The following OR2Z1 variants were observed in gnomAD, a reference collection of about 807,000 sequenced individuals.
OR2Z1 encodes the protein olfactory receptor 2Z1.
For missense variants in OR2Z1, 449 were observed against 401.8 expected, an observed-to-expected ratio of 1.12 and a Z score of -1.00; for synonymous variants, 188 against 160.6, an observed-to-expected ratio of 1.17 and a Z score of -1.29.
At chr19:8,730,163 T>C (rs2043345749) in intron 2 of OR2Z1, among the ~76,000 whole-genome samples, 1 of 152,240 alleles carries the variant, frequency 6.6e-6, no homozygotes, top group Non-Finnish European at 1.5e-5. Context: ...GGTAGAATGA[T>C]TTATTTTCCT....
At chr19:8,724,232 C>CT (rs2043318722) in intron 2 of OR2Z1, among the ~76,000 whole-genome samples, 15 of 76,318 alleles carry the variant, frequency 2.0e-4, no homozygotes, top group Non-Finnish European at 4.0e-5. Flanking sequence ...TACCTATGGT[C>CT]ATTTTTTTTT....
chr19:8,732,060 T>G lies in OR2Z1; in HGVS notation c.*87T>G. ...TGCATTTGGCATTCAATTGCCAATT[T>G]GTGCAACTGGCCAAATATCCAGCCA... On this transcript the variant is annotated 3_prime_UTR_variant, in exon 3 of 3. Coordinates refer to ENST00000641125, the MANE Select transcript of OR2Z1 (RefSeq NM_001004699.3). 1 of 1,039,918 alleles carries G rather than the reference T, an allele frequency of 9.6e-7. No homozygotes were observed. The highest frequency in any genetic ancestry group is 1.4e-6 in the Non-Finnish European group (1 of 703,620). The allele number at this position is 1,039,918 out of a possible 1,614,324, so 64.4% of individuals were successfully genotyped here.
intron 2 of OR2Z1, among the ~76,000 whole-genome samples, chr19:8,726,028 CGGT>C (rs781914273): frequency 3.0e-4 from 45 of 151,942 alleles, no homozygotes; most frequent in Admixed American, 5.9e-4. Flanking sequence ...TGCAGTGGCA[CGGT>C]CTCGGCTCAC....
intron 2 of OR2Z1, among the ~76,000 whole-genome samples, chr19:8,724,756 G>A (rs1486219353): frequency 6.6e-6 from 1 of 152,096 alleles, no homozygotes; most frequent in African/African-American, 2.4e-5. Context: ...TGAGAATGGG[G>A]TACAAAAAGT....
chr19:8,730,149 A>G (rs28442285), intron 2 of OR2Z1, among the ~76,000 whole-genome samples: 1,767 of 152,330 alleles, frequency 0.012, 29 homozygotes, highest in African/African-American at 0.041. Context: ...AAACATGCTC[A>G]TTTGGTAGAA....
chr19:8,725,562 A>G (rs1482162894), intron 2 of OR2Z1, among the ~76,000 whole-genome samples: 1 of 152,074 alleles, frequency 6.6e-6, no homozygotes, highest in Non-Finnish European at 1.5e-5. Context: ...TACATCTTTG[A>G]TTGACTCTGG....
In OR2Z1 at chr19:8,724,454, C is replaced by A. The variant is rs570223066; in HGVS notation, c.-170+1304C>A. 9.9e-5 allele frequency among the ~76,000 whole-genome samples: 15 copies of A among 152,090 alleles called. No homozygotes were observed. The South Asian group carries it at 2.5e-3, about 25-fold the overall frequency. On this transcript the variant is annotated intron_variant, in intron 2 of 2. Transcript: ENST00000641125. Reference sequence around the variant, plus strand: ...TCTTGCCATGTTGCTCAGGCTAGTCCCAAACTCCTGGGCTGGTCCCAGCCT... The same window carrying A: ...TCTTGCCATGTTGCTCAGGCTAGTCACAAACTCCTGGGCTGGTCCCAGCCT...
intron 2 of OR2Z1, among the ~76,000 whole-genome samples, chr19:8,724,833 C>T (rs782386393): frequency 6.6e-6 from 1 of 152,118 alleles, no homozygotes; most frequent in Non-Finnish European, 1.5e-5. Context: ...CTCCTTGCTT[C>T]CAAAACACAG....
At chr19:8,724,712 T>A (rs1418285670) in intron 2 of OR2Z1, among the ~76,000 whole-genome samples, 2 of 152,178 alleles carry the variant, frequency 1.3e-5, no homozygotes, top group African/African-American at 4.8e-5. Flanking sequence ...CTCGACCACC[T>A]TCAATTATCC....
chr19:8,726,221 T>A (rs1167870144), intron 2 of OR2Z1, among the ~76,000 whole-genome samples: 1 of 152,116 alleles, frequency 6.6e-6, no homozygotes. Flanking sequence ...CGCCTTGGCC[T>A]CCCAAAGTGC....
At chr19:8,725,792 G>A (rs918950958) in intron 2 of OR2Z1, among the ~76,000 whole-genome samples, 37 of 152,144 alleles carry the variant, frequency 2.4e-4, no homozygotes, top group Non-Finnish European at 8.8e-5. Flanking sequence ...TGAGATGATT[G>A]GGTAATTTAT....
intron 2 of OR2Z1, among the ~76,000 whole-genome samples, chr19:8,730,112 C>A (rs1402099515): frequency 6.6e-6 from 1 of 152,168 alleles, no homozygotes; most frequent in Non-Finnish European, 1.5e-5. Flanking sequence ...GATTCAATTT[C>A]TTTGTTATTG....
intron 2 of OR2Z1, among the ~76,000 whole-genome samples, chr19:8,724,829 G>C (rs1599207378): frequency 6.6e-6 from 1 of 152,114 alleles, no homozygotes; most frequent in East Asian, 1.9e-4. Context: ...AGCTCTCCTT[G>C]CTTCCAAAAC....
intron 2 of OR2Z1, among the ~76,000 whole-genome samples, chr19:8,728,238 T>C (rs1300756603): frequency 6.6e-6 from 1 of 152,226 alleles, no homozygotes; most frequent in Non-Finnish European, 1.5e-5. Context: ...TCTGGGAGCT[T>C]GGAGGTTGCC....
chr19:8,729,619 T>A lies in OR2Z1; in HGVS notation c.-169-1241T>A, dbSNP rs139669712. On this transcript the variant is annotated intron_variant, in intron 2 of 2. Coordinates refer to ENST00000641125, the MANE Select transcript of OR2Z1 (RefSeq NM_001004699.3). Reference sequence around the variant, plus strand: ...TGGTTTTTTTTTTTTTGACGGAGTTTTGCTCTTGTTGCCCAGGCCAGAGTG... The same window carrying A: ...TGGTTTTTTTTTTTTTGACGGAGTTATGCTCTTGTTGCCCAGGCCAGAGTG... Among the ~76,000 whole-genome samples the A allele has an allele frequency of 5.7e-3, 869 of 151,846 alleles. 25 individuals are homozygous for A. The highest frequency in any genetic ancestry group is 3.3e-3 in the East Asian group (17 of 5,164).
intron 2 of OR2Z1, among the ~76,000 whole-genome samples, chr19:8,726,082 C>T (rs1391482207): frequency 1.3e-5 from 2 of 152,152 alleles, no homozygotes; most frequent in Admixed American, 6.5e-5. Flanking sequence ...TCTCCTGCCT[C>T]AGCCTCCCGA....
In OR2Z1 at chr19:8,731,818, G is replaced by A. The variant is rs373819151; in HGVS notation, c.790G>A (p.Ala264Thr). The A allele has an allele frequency of 1.9e-4, 310 of 1,614,042 alleles. No homozygotes were observed. The highest frequency in any genetic ancestry group is 2.4e-4 in the Non-Finnish European group (287 of 1,180,038). Residue 264 changes from alanine to threonine, a missense_variant, in exon 3 of 3, where the codon GCC becomes ACC. Ala to Thr is a moderately conservative substitution (Grantham distance 58, BLOSUM62 0). Coordinates refer to ENST00000641125, the MANE Select transcript of OR2Z1 (RefSeq NM_001004699.3). ...CGTGTTCATGTACATGGTGCCTTGC[G>A]CCTACCACAGTCCACAGCAGGATAA... The part of the protein sequence containing the change: ...AAVFMYMVPC[A>T]YHSPQQDNVV...
intron 2 of OR2Z1, among the ~76,000 whole-genome samples, chr19:8,725,392 G>T (rs1252141242): frequency 6.6e-6 from 1 of 152,058 alleles, no homozygotes; most frequent in Admixed American, 6.6e-5. Flanking sequence ...ACAGGTGCCC[G>T]CCACCACACC....
chr19:8,730,653 C>T (rs1266056722), intron 2 of OR2Z1, among the ~76,000 whole-genome samples: 1 of 152,036 alleles, frequency 6.6e-6, no homozygotes, highest in African/African-American at 2.4e-5. Context: ...CTCCTGACCT[C>T]GTGATCCACC....
Sources: gnomAD v4.1 joint callset for allele counts (sites outside exome capture counted in the v4.1 genomes callset) on GRCh38, gnomAD v4.1.1 for gene constraint, MANE v1.5 for transcripts, NCBI Gene and HGNC (gene_info 2026-07-23, HGNC 2026-07-21) for gene names.